BPNT1: variants seen among roughly 807,000 people sequenced by gnomAD.
BPNT1 encodes the protein 3'(2'), 5'-bisphosphate nucleotidase 1.
Under a neutral mutation model 36.9 loss-of-function variants are expected in BPNT1, and 28 were observed. That is an observed-to-expected ratio of 0.76 (90% CI 0.56 to 1.04). The LOEUF is 1.04. BPNT1 is among the 50% of genes least tolerant of loss of function. The pLI is 0.00. For missense variants in BPNT1, 313 were observed against 372.9 expected (o/e 0.84, Z 1.32); for synonymous variants, 119 against 130.9 (o/e 0.91, Z 0.62).
chr1:220,067,186 C>T (rs922976441), intron 6 of BPNT1, 116 bp downstream of exon 6: 3 of 374,958 alleles, frequency 8.0e-6, no homozygotes, highest in African/African-American at 4.3e-5. Flanking sequence ...GAAAAGTTCC[C>T]CAGATGATTG....
At chr1:220,062,229 G>A (rs1211394550) in intron 7 of BPNT1, among the ~76,000 whole-genome samples, 2 of 150,568 alleles carry the variant, frequency 1.3e-5, no homozygotes, top group African/African-American at 4.9e-5. Context: ...TGCCATGCTG[G>A]TGTGCTGCAC....
chr1:220,083,475 C>T (rs1413263099), intron 1 of BPNT1, among the ~76,000 whole-genome samples: 2 of 151,788 alleles, frequency 1.3e-5, no homozygotes, highest in South Asian at 2.1e-4. Flanking sequence ...CCACTGCGCC[C>T]GGCTAATTTT....
intron 1 of BPNT1, among the ~76,000 whole-genome samples, chr1:220,086,062 A>G (rs929660171): frequency 6.6e-6 from 1 of 152,214 alleles, no homozygotes; most frequent in African/African-American, 2.4e-5. Context: ...AATTCTGGAA[A>G]AAGAACTATG....
At chr1:220,072,277 C>T (rs560059609) in intron 4 of BPNT1, among the ~76,000 whole-genome samples, 80 of 151,752 alleles carry the variant, frequency 5.3e-4, no homozygotes, top group African/African-American at 1.9e-3. Flanking sequence ...GCAGGAGAAT[C>T]GCCTGAACCC....
intron 1 of BPNT1, among the ~76,000 whole-genome samples, chr1:220,081,004 G>C (rs1034201251): frequency 6.6e-6 from 1 of 152,130 alleles, no homozygotes; most frequent in African/African-American, 2.4e-5. Flanking sequence ...TCGCTCTGTC[G>C]CCCAGGATGG....
At position 220,085,704 on chromosome 1, in the gene BPNT1, A is replaced by G. The variant is rs573726796; in HGVS notation, c.-9+3982T>C. Among the ~76,000 whole-genome samples, 343 of 152,340 alleles carry G rather than the reference A, an allele frequency of 2.3e-3. 3 individuals carry two copies. Among genetic ancestry groups the G allele is most frequent in the African/African-American group, 7.8e-3 (324 of 41,572 alleles). On this transcript the variant is annotated intron_variant, in intron 1 of 8. Transcript: ENST00000322067. Reference sequence around the variant, plus strand: ...TTGAGAATACAAAATGATAATCAACATGACCCTCAATCAGAGTATAGTTCA... The same window carrying G: ...TTGAGAATACAAAATGATAATCAACGTGACCCTCAATCAGAGTATAGTTCA...
At chr1:220,063,056 A>G (rs543343412) in intron 6 of BPNT1, 102 bp from the exon 7 acceptor site, 1 of 1,334,204 alleles carries the variant, frequency 7.5e-7, no homozygotes, top group South Asian at 1.2e-5. Flanking sequence ...TTTAAAAAAT[A>G]AAAACATGAT....
At chr1:220,079,635 A>G in intron 2 of BPNT1, 92 bp downstream of exon 2, 1 of 1,492,492 alleles carries the variant, frequency 6.7e-7, no homozygotes. Context: ...AATTATTTTA[A>G]CTGATAAAGT....
At chr1:220,061,914 G>A (rs549664061) in intron 7 of BPNT1, among the ~76,000 whole-genome samples, 1 of 152,026 alleles carries the variant, frequency 6.6e-6, no homozygotes. Context: ...TGGGCAGGCA[G>A]GCCAGATCTT....
At chr1:220,070,996 G>A (rs1248920673) in intron 4 of BPNT1, among the ~76,000 whole-genome samples, 1 of 151,264 alleles carries the variant, frequency 6.6e-6, no homozygotes, top group Non-Finnish European at 1.5e-5. Flanking sequence ...AATTAGCTGG[G>A]CGTGGTGGCA....
intron 3 of BPNT1, among the ~76,000 whole-genome samples, chr1:220,073,646 T>TTTTAA (rs1208193192): frequency 2.0e-4 from 30 of 152,210 alleles, no homozygotes; most frequent in African/African-American, 7.0e-4. Context: ...CAAATAAGCC[T>TTTTAA]AATTTTAAAA....
intron 3 of BPNT1, 121 bp downstream of exon 3, chr1:220,073,845 GT>G: frequency 6.7e-6 from 6 of 901,018 alleles, no homozygotes; most frequent in Non-Finnish European, 1.0e-5. Context: ...AATTACTTTT[GT>G]GTTTAAAACA....
At chr1:220,065,182 T>C (rs1463095829) in intron 6 of BPNT1, among the ~76,000 whole-genome samples, 1 of 152,152 alleles carries the variant, frequency 6.6e-6, no homozygotes, top group African/African-American at 2.4e-5. Flanking sequence ...TGGACACGAA[T>C]ATTTTGGGCC....
In BPNT1 at chr1:220,072,941, T is replaced by G. The variant is rs992388161; in HGVS notation, c.242A>C (p.Glu81Ala). ...IIGEEDLPSE[E>A]VDQELIEDSQ... ...GTCTTCAATCAGCTCTTGATCCACT[T>G]CCTCAGAAGGCAGATCCTAAAGCAG... is the stretch of plus-strand genomic sequence containing the variant. Residue 81 changes from glutamate (E) to alanine (A), a missense_variant, in exon 4 of 9, where the codon GAA (glutamate) becomes GCA (alanine). Physicochemically the swap from Glu to Ala is moderately radical, Grantham distance 107 (BLOSUM62 -1). Transcript: ENST00000322067. 7 of 1,614,072 alleles carry G rather than the reference T, an allele frequency of 4.3e-6. No individual in the cohort carries two copies. Among genetic ancestry groups the G allele is most frequent in the Non-Finnish European group, 5.9e-6 (7 of 1,179,958 alleles).
rs765238928 is a variant in BPNT1, at chr1:220,074,055, A to C, written c.137T>G (p.Leu46Arg). The change falls in exon 3 of 9, where the codon CTG (leucine) becomes CGG (arginine). Residue 46 changes from leucine to arginine, a missense_variant. Transcript: ENST00000322067. ...GIVEKTCATD[L>R]QTKADRLAQM... ...TGCCAATCGGTCAGCTTTGGTCTGC[A>C]GGTCTGTTGCACAGGTCTGTAATAA... 9 of 1,613,718 alleles carry C rather than the reference A, an allele frequency of 5.6e-6. No individual in the cohort carries two copies. The highest frequency in any genetic ancestry group is 7.6e-6 in the Non-Finnish European group (9 of 1,179,952).
chr1:220,070,887 C>T (rs142341066), intron 4 of BPNT1, among the ~76,000 whole-genome samples: 10,293 of 151,100 alleles, frequency 0.068, 459 homozygotes, highest in South Asian at 0.12. Flanking sequence ...CCTATAATCC[C>T]AGCACTTTGG....
chr1:220,069,560 G>C (rs946366340), intron 4 of BPNT1, 128 bp from the exon 5 acceptor site: 3 of 623,962 alleles, frequency 4.8e-6, no homozygotes, highest in Non-Finnish European at 8.0e-6. Flanking sequence ...TTAAATTAAT[G>C]TCATCTGTTT....
chr1:220,065,092 G>A (rs2102650897), intron 6 of BPNT1, among the ~76,000 whole-genome samples: 1 of 152,324 alleles, frequency 6.6e-6, no homozygotes, highest in Middle Eastern at 3.4e-3. Context: ...ACAGGCGTGA[G>A]CCACCACGCC....
intron 2 of BPNT1, among the ~76,000 whole-genome samples, chr1:220,078,842 C>T (rs1200960520): frequency 1.3e-5 from 2 of 151,938 alleles, no homozygotes; most frequent in African/African-American, 4.8e-5. Flanking sequence ...GTGATCTGCC[C>T]GCCTTGGCCT....
Sources: allele counts gnomAD v4.1 joint callset (sites outside exome capture counted in the v4.1 genomes callset), GRCh38; gene constraint gnomAD v4.1.1; transcripts MANE v1.5; gene names NCBI Gene and HGNC (gene_info 2026-07-23, HGNC 2026-07-21).